The following RTEL1 variants were observed in gnomAD, a reference collection of about 807,000 sequenced individuals.
RTEL1 encodes the protein regulator of telomere elongation helicase 1.
RTEL1 carries 86 observed loss-of-function variants against 162.2 expected under a neutral mutation model. The observed-to-expected ratio is 0.53, with a 90% CI of 0.45 to 0.63. The LOEUF is 0.63. Ranked by LOEUF, RTEL1 falls within the 30% of genes least tolerant of loss-of-function variation. The probability of loss-of-function intolerance (pLI) is 0.00; values close to 1 mark genes in which losing one functional copy is unlikely to be tolerated. For synonymous variants in RTEL1, 958 were observed against 717.9 expected, an observed-to-expected ratio of 1.33 and a Z score of -5.35; for missense variants, 1,941 against 1,750.2, an observed-to-expected ratio of 1.11 and a Z score of -1.95.
intron 28 of RTEL1, chr20:63,692,336 GGCCTGGGTGGGGAGT>G (rs1270735981): frequency 2.6e-5 from 6 of 228,382 alleles, no homozygotes; most frequent in Admixed American, 2.6e-4. Flanking sequence ...GGCTGGCGAG[GGCCTGGGTGGGGAGT>G]GCCTGGGCCG....
In RTEL1 at chr20:63,659,219, A is replaced by G. The variant is rs2146140839; in HGVS notation, c.-170-14A>G. The G allele has an allele frequency of 1.6e-6, 1 of 615,628 alleles. No homozygotes were observed. Among genetic ancestry groups the G allele is most frequent in the South Asian group, 1.8e-5 (1 of 55,624 alleles). 38.1% of individuals were successfully genotyped at this position (615,628 alleles called of 1,614,324 possible). A position where few individuals can be genotyped will look rare whatever the true frequency, so the allele number is the denominator to read the frequency against. On this transcript the variant is annotated splice_polypyrimidine_tract_variant and intron_variant, in intron 1 of 34. Transcript: ENST00000360203. Reference sequence around the variant, plus strand: ...AAAGGCTGTCTACAAACAGAGTCTTACTGTCTTTCCCAGGTCTGTGCCATA... The same window carrying G: ...AAAGGCTGTCTACAAACAGAGTCTTGCTGTCTTTCCCAGGTCTGTGCCATA...
At chr20:63,664,256 C>CTGCTT (rs2090078443) in intron 6 of RTEL1, among the ~76,000 whole-genome samples, 1 of 152,208 alleles carries the variant, frequency 6.6e-6, no homozygotes, top group African/African-American at 2.4e-5. Context: ...GCGTCATTTC[C>CTGCTT]GAGGTCCTCA....
rs368646538 is a variant in RTEL1 at position 63,693,052 on chromosome 20, G to A, written c.2851+49G>A. 119 of 1,609,716 alleles carry A rather than the reference G, an allele frequency of 7.4e-5. No individual in the cohort carries two copies. In the African/African-American group the frequency reaches 7.7e-4, roughly 10 times the overall value. On this transcript the variant is annotated intron_variant, in intron 29 of 34. Coordinates refer to ENST00000360203, the MANE Select transcript of RTEL1 (RefSeq NM_001283009.2). Reference sequence around the variant, plus strand: ...CCACCCTGAGGGCAGTGCTGCCGCCGCGTGTGGGGTGGGGGCCATCTGGGT... The same window carrying A: ...CCACCCTGAGGGCAGTGCTGCCGCCACGTGTGGGGTGGGGGCCATCTGGGT...
At chr20:63,666,868 C>T (rs2090140302) in intron 7 of RTEL1, among the ~76,000 whole-genome samples, 1 of 117,950 alleles carries the variant, frequency 8.5e-6, no homozygotes, top group South Asian at 2.9e-4. Context: ...GAGACGGAGT[C>T]TCGCTCTGTC....
chr20:63,667,503 C>G lies in RTEL1; in HGVS notation c.649C>G (p.Gln217Glu), dbSNP rs780546933. ...TTACTACCTGTCCCGGAACCTGAAG[C>G]AGCAAGCCGACATCATATTCATGCC... is the stretch of plus-strand genomic sequence containing the variant. ...CPYYLSRNLK[Q>E]QADIIFMPYN... Residue 217 changes from glutamine (Q) to glutamate (E), a missense_variant, in exon 8 of 35, where the codon CAG (glutamine) becomes GAG (glutamate). Physicochemically the swap from Gln to Glu is conservative, Grantham distance 29. Coordinates refer to ENST00000360203, the MANE Select transcript of RTEL1 (RefSeq NM_001283009.2). 3.7e-6 allele frequency: 6 copies of G among 1,614,014 alleles called. No individual in the cohort carries two copies. In the South Asian group the frequency reaches 6.6e-5, roughly 18 times the overall value.
At chr20:63,663,769 C>T (rs745332774) in intron 6 of RTEL1, among the ~76,000 whole-genome samples, 7 of 152,162 alleles carry the variant, frequency 4.6e-5, no homozygotes, top group African/African-American at 1.4e-4. Flanking sequence ...CAGAAGGCAT[C>T]GGCGGTCCTG....
Position 63,661,921 on chromosome 20 carries a change from G to A in RTEL1, c.373G>A (p.Glu125Lys). Residue 125 changes from glutamate to lysine, a missense_variant, in exon 4 of 35, where the codon GAG becomes AAG. Transcript: ENST00000360203. This position sits in a 1 kb window ranked among gnomAD's most constrained non-coding sequence, Gnocchi z 5.1. ...THSQLTQVIN[E>K]LRNTSYRPKV... ...CTCGCAACTCACACAGGTCATCAAC[G>A]AGCTTCGGAACACCTCCTACCGGTG... The A allele has an allele frequency of 6.2e-7, 1 of 1,613,926 alleles. No individual in the cohort carries two copies. The highest frequency in any genetic ancestry group is 8.5e-7 in the Non-Finnish European group (1 of 1,179,952).
chr20:63,695,243 T>C (rs1380689499), intron 33 of RTEL1, 22 bp downstream of exon 33: 1 of 1,608,906 alleles, frequency 6.2e-7, no homozygotes, highest in Non-Finnish European at 8.5e-7. Flanking sequence ...GCCTGGCTGC[T>C]CCTGGCAGCG....
At chr20:63,673,220 C>T (rs1353577747) in intron 9 of RTEL1, among the ~76,000 whole-genome samples, 2 of 151,852 alleles carry the variant, frequency 1.3e-5, no homozygotes, top group Non-Finnish European at 2.9e-5. Flanking sequence ...AGTGAAACAC[C>T]GTCTCTACTA....
intron 14 of RTEL1, 66 bp downstream of exon 14, chr20:63,680,785 G>A (rs2090463177): frequency 5.6e-6 from 9 of 1,598,962 alleles, no homozygotes; most frequent in Non-Finnish European, 7.7e-6. Context: ...TTCTCCTGCT[G>A]TATTAGTTAA....
rs546534293 is a variant in RTEL1 at position 63,667,075 on chromosome 20, G to A, written c.615-394G>A. Among the ~76,000 whole-genome samples the A allele has an allele frequency of 5.3e-3, 807 of 152,072 alleles. 2 individuals carry two copies. Among genetic ancestry groups the A allele is most frequent in the African/African-American group, 0.018 (747 of 41,466 alleles). Reference sequence around the variant, plus strand: ...AGGATGGTCTCGATCTTCTGACCTTGTGATCCGCCCACCTCGGCCTCCCAA... The same window carrying A: ...AGGATGGTCTCGATCTTCTGACCTTATGATCCGCCCACCTCGGCCTCCCAA... On this transcript the variant is annotated intron_variant, in intron 7 of 34. Transcript: ENST00000360203.
At chr20:63,682,267 C>A (rs369156431) in intron 14 of RTEL1, 1 of 977,852 alleles carries the variant, frequency 1.0e-6, no homozygotes, top group African/African-American at 1.7e-5. Flanking sequence ...GGAACCGAAT[C>A]CTGGAACGCG....
chr20:63,694,299 G>GGCCGGGCCCCCC, intron 30 of RTEL1, 73 bp from the exon 31 acceptor site: 1 of 841,720 alleles, frequency 1.2e-6, no homozygotes. Context: ...TCCCTAGCCA[G>GGCCGGGCCCCCC]CCCTGCCCCC....
chr20:63,694,021 A>G (rs867042962), intron 30 of RTEL1, among the ~76,000 whole-genome samples: 11 of 151,964 alleles, frequency 7.2e-5, no homozygotes, highest in Non-Finnish European at 1.3e-4. Context: ...GTGTTAATGA[A>G]CAGCCCCTAC....
In RTEL1 at chr20:63,694,985, C is replaced by G; in HGVS notation, c.3343+11C>G. The G allele has an allele frequency of 6.2e-7, 1 of 1,611,554 alleles. No individual in the cohort carries two copies. The highest frequency in any genetic ancestry group is 1.7e-4 in the Middle Eastern group (1 of 6,056). On this transcript the variant is annotated intron_variant, in intron 32 of 34. Transcript: ENST00000360203. ...TCCCCCTGCTGCACAGCAAGTGGCCCTGGCGTGGGGAACAGCCGGTGGGGT... is the reference window on the plus strand; with the variant it reads ...TCCCCCTGCTGCACAGCAAGTGGCCGTGGCGTGGGGAACAGCCGGTGGGGT...
At chr20:63,685,478 G>A (rs1231489414) in intron 14 of RTEL1, 45 bp from the exon 15 acceptor site, 9 of 1,593,038 alleles carry the variant, frequency 5.6e-6, no homozygotes, top group South Asian at 1.1e-5. Context: ...AGAAAGTCGG[G>A]TGGCCTCAGG....
chr20:63,678,743 ACTCC>A (rs2090420531), intron 12 of RTEL1, among the ~76,000 whole-genome samples: 43 of 104,616 alleles, frequency 4.1e-4, no homozygotes, highest in Non-Finnish European at 6.0e-4. Flanking sequence ...AACGGCACAC[ACTCC>A]CACGGAACGG....
intron 17 of RTEL1, 66 bp from the exon 18 acceptor site, chr20:63,687,871 G>A (rs543242646): frequency 4.0e-5 from 64 of 1,581,708 alleles, no homozygotes; most frequent in Admixed American, 2.6e-4. Flanking sequence ...TGGGGGTCTC[G>A]GGCCTCGAGG....
At chr20:63,693,876 C>T (rs934069584) in intron 30 of RTEL1, among the ~76,000 whole-genome samples, 2 of 149,992 alleles carry the variant, frequency 1.3e-5, no homozygotes, top group Non-Finnish European at 3.0e-5. Context: ...CACACGTCCC[C>T]TGCCTCCCAT....
Sources: gnomAD v4.1 joint callset for allele counts (sites outside exome capture counted in the v4.1 genomes callset) on GRCh38, gnomAD v4.1.1 for gene constraint, Gnocchi (gnomAD v3.1) non-coding constraint, MANE v1.5 for transcripts, NCBI Gene and HGNC (gene_info 2026-07-23, HGNC 2026-07-21) for gene names.